The following SLC7A1 variants were observed in gnomAD, a reference collection of about 807,000 sequenced individuals.
SLC7A1 encodes the protein solute carrier family 7 member 1, also known as high affinity cationic amino acid transporter 1.
Under a neutral mutation model 53.9 loss-of-function variants are expected in SLC7A1, and 10 were observed. That is an observed-to-expected ratio of 0.19 (90% CI 0.11 to 0.31). The LOEUF is 0.31. SLC7A1 is among the 10% of genes least tolerant of loss of function. The pLI, the probability that SLC7A1 is intolerant of heterozygous loss-of-function variation, is 1.00. For missense variants in SLC7A1, 525 were observed against 827.2 expected, an observed-to-expected ratio of 0.63 and a Z score of 4.48; for synonymous variants, 342 against 338.7, an observed-to-expected ratio of 1.01 and a Z score of -0.11.
intron 1 of SLC7A1, among the ~76,000 whole-genome samples, chr13:29,590,340 C>G (rs76628627): frequency 6.6e-6 from 1 of 152,156 alleles, no homozygotes; most frequent in South Asian, 2.1e-4. Context: ...GTAGCCAGGG[C>G]AGTCACTCCC....
intron 2 of SLC7A1, among the ~76,000 whole-genome samples, chr13:29,545,469 G>A (rs1187656153): frequency 6.6e-6 from 1 of 152,174 alleles, no homozygotes; most frequent in Admixed American, 6.5e-5. Flanking sequence ...GTGTAAAATG[G>A]GGATGGACAG....
chr13:29,559,701 T>C (rs1463598991), intron 1 of SLC7A1, among the ~76,000 whole-genome samples: 1 of 152,126 alleles, frequency 6.6e-6, no homozygotes, highest in Non-Finnish European at 1.5e-5. Flanking sequence ...ATTTTTACTT[T>C]ACAAACTTTT....
chr13:29,528,552 T>C (rs542905753), intron 5 of SLC7A1, among the ~76,000 whole-genome samples: 1 of 152,116 alleles, frequency 6.6e-6, no homozygotes, highest in Non-Finnish European at 1.5e-5. Flanking sequence ...AGTGCCCTAC[T>C]ATTTCAGAGG....
intron 1 of SLC7A1, among the ~76,000 whole-genome samples, chr13:29,578,784 C>T (rs1416646862): frequency 6.6e-6 from 1 of 152,260 alleles, no homozygotes; most frequent in African/African-American, 2.4e-5. Flanking sequence ...ACCCCGGCTC[C>T]CTGTCACAGC....
Position 29,522,221 on chromosome 13 carries a change from G to C in SLC7A1, c.1189+96C>G, listed in dbSNP as rs1868659676. On this transcript the variant is annotated intron_variant, in intron 8 of 12. Coordinates refer to ENST00000380752, the MANE Select transcript of SLC7A1 (RefSeq NM_003045.5). Reference sequence around the variant, plus strand: ...ACCAGGAGTTAAAAAGACCAGTTAAGATTACTCACAGACCAGAACTGCGCA... The same window carrying C: ...ACCAGGAGTTAAAAAGACCAGTTAACATTACTCACAGACCAGAACTGCGCA... The C allele has an allele frequency of 2.4e-6, 3 of 1,238,036 alleles. No individual in the cohort carries two copies. The Admixed American group carries it at 5.5e-5, about 23-fold the overall frequency. The allele number at this position is 1,238,036 out of a possible 1,614,324, so 76.7% of individuals were successfully genotyped here.
intron 2 of SLC7A1, among the ~76,000 whole-genome samples, chr13:29,548,335 C>T (rs545375566): frequency 1.3e-5 from 2 of 152,300 alleles, no homozygotes; most frequent in South Asian, 2.1e-4. Context: ...GTGAATTTTG[C>T]GGTTCACCCC....
intron 1 of SLC7A1, among the ~76,000 whole-genome samples, chr13:29,565,310 C>A (rs559681529): frequency 9.2e-5 from 14 of 152,252 alleles, no homozygotes; most frequent in African/African-American, 3.1e-4. Context: ...AATACAAATA[C>A]AATACAGCAG....
At chr13:29,588,988 C>T (rs1037392546) in intron 1 of SLC7A1, among the ~76,000 whole-genome samples, 3 of 152,160 alleles carry the variant, frequency 2.0e-5, no homozygotes, top group African/African-American at 4.8e-5. Context: ...GACCAGGCCT[C>T]ATCCCAAGGG....
chr13:29,515,066 A>G (rs1255617069), intron 12 of SLC7A1, among the ~76,000 whole-genome samples: 1 of 152,204 alleles, frequency 6.6e-6, no homozygotes, highest in Non-Finnish European at 1.5e-5. Flanking sequence ...TGGACTTCAC[A>G]TAGGAGTCCA....
At chr13:29,554,298 T>C (rs941137774) in intron 1 of SLC7A1, among the ~76,000 whole-genome samples, 6 of 152,196 alleles carry the variant, frequency 3.9e-5, no homozygotes, top group Admixed American at 1.3e-4. Flanking sequence ...CCTTAGCTGG[T>C]GTCTTCTGAA....
chr13:29,582,571 C>A (rs1298381117), intron 1 of SLC7A1, among the ~76,000 whole-genome samples: 2 of 152,184 alleles, frequency 1.3e-5, no homozygotes, highest in Non-Finnish European at 2.9e-5. Flanking sequence ...GTCTAATGGG[C>A]AGATCAGGTC....
chr13:29,560,576 T>C (rs1264646146), intron 1 of SLC7A1, among the ~76,000 whole-genome samples: 1 of 152,048 alleles, frequency 6.6e-6, no homozygotes, highest in Non-Finnish European at 1.5e-5. Flanking sequence ...TATCAAGGAT[T>C]ATGTACTGTA....
intron 2 of SLC7A1, among the ~76,000 whole-genome samples, chr13:29,549,159 T>C (rs1870060842): frequency 6.6e-6 from 1 of 152,172 alleles, no homozygotes; most frequent in African/African-American, 2.4e-5. Flanking sequence ...ATAGCCTCTA[T>C]CAGAGAGGAG....
chr13:29,511,694 G>C lies in SLC7A1; in HGVS notation c.*2786C>G, dbSNP rs77136613. 7.2e-5 allele frequency: 11 copies of C among 152,168 alleles called. No individual in the cohort carries two copies. Among genetic ancestry groups the C allele is most frequent in the African/African-American group, 2.7e-4 (11 of 41,420 alleles). 9.4% of individuals were successfully genotyped at this position (152,168 alleles called of 1,614,324 possible). On this transcript the variant is annotated 3_prime_UTR_variant, in exon 13 of 13. Coordinates refer to ENST00000380752, the MANE Select transcript of SLC7A1 (RefSeq NM_003045.5). ...GAGGCAGGGGGGTGGAGATCTGCTG[G>C]GTTTGCTGCTTCATGAATTTGGGCC...
chr13:29,570,709 T>G (rs1871157119), intron 1 of SLC7A1, among the ~76,000 whole-genome samples: 1 of 151,800 alleles, frequency 6.6e-6, no homozygotes, highest in Non-Finnish European at 1.5e-5. Flanking sequence ...AAAAAAAAAT[T>G]AGCGAGAGAT....
intron 1 of SLC7A1, among the ~76,000 whole-genome samples, chr13:29,594,788 C>T (rs960861266): frequency 6.6e-6 from 1 of 152,152 alleles, no homozygotes; most frequent in Non-Finnish European, 1.5e-5. Context: ...CGGCGCGTCC[C>T]GGGTTCTAGG....
chr13:29,547,689 C>G (rs897520900), intron 2 of SLC7A1, among the ~76,000 whole-genome samples: 2 of 152,094 alleles, frequency 1.3e-5, no homozygotes, highest in African/African-American at 4.8e-5. Context: ...TGTAATGAAA[C>G]CAACAAAGAG....
rs1373102433 is a variant in SLC7A1, at chr13:29,517,210, G to A, written c.1611C>T (p.Leu537=). ...TGACGCCCGTGACCACGGCACAGAG[G>A]AGGGCAGACCCTGCGAGCAGAAAGA... The part of the protein sequence containing the change: ...WAVFLLAGSA[L]LCAVVTGVIW... The change falls in exon 11 of 13, where the codon CTC becomes CTT. Residue 537 remains leucine (L), a synonymous_variant. Coordinates refer to ENST00000380752, the MANE Select transcript of SLC7A1 (RefSeq NM_003045.5). 1 of 1,613,388 alleles carries A rather than the reference G, an allele frequency of 6.2e-7. No homozygotes were observed. Among genetic ancestry groups the A allele is most frequent in the Middle Eastern group, 1.6e-4 (1 of 6,062 alleles).
At chr13:29,535,056 C>T (rs1482994162) in intron 3 of SLC7A1, among the ~76,000 whole-genome samples, 1 of 152,154 alleles carries the variant, frequency 6.6e-6, no homozygotes, top group African/African-American at 2.4e-5. Context: ...CCCCTGGCTA[C>T]GTGGAGGATC....
Sources: gnomAD v4.1 joint callset for allele counts (sites outside exome capture counted in the v4.1 genomes callset) on GRCh38, gnomAD v4.1.1 for gene constraint, MANE v1.5 for transcripts, NCBI Gene and HGNC (gene_info 2026-07-23, HGNC 2026-07-21) for gene names.